Variants in EPHA5 observed in about 807,000 individuals in gnomAD.
The protein encoded by EPHA5 is ephrin type-A receptor 5.
In EPHA5, 60 loss-of-function variants were observed where a neutral mutation model predicts 105.0. The observed-to-expected ratio is 0.57, with a 90% CI of 0.46 to 0.71. The LOEUF (loss-of-function observed/expected upper bound fraction) is 0.71. Among genes scored for constraint, EPHA5 ranks in the 30% least tolerant of loss-of-function variants. EPHA5 has a pLI of 0.00. For missense variants in EPHA5, 1,218 were observed against 1,274.7 expected (o/e 0.96, Z 0.68); for synonymous variants, 513 against 449.1 (o/e 1.14, Z -1.80).
intron 16 of EPHA5, among the ~76,000 whole-genome samples, chr4:65,326,782 T>A (rs763360992): frequency 3.3e-5 from 5 of 151,318 alleles, no homozygotes; most frequent in Non-Finnish European, 7.4e-5. Context: ...ATGGTTGTAA[T>A]AATATATATG....
intron 3 of EPHA5, among the ~76,000 whole-genome samples, chr4:65,543,685 C>G (rs1340673062): frequency 1.3e-5 from 2 of 151,698 alleles, no homozygotes; most frequent in East Asian, 1.9e-4. Flanking sequence ...TCTCATTCCA[C>G]TACTGTTATT....
At chr4:65,561,197 A>T (rs1321675894) in intron 3 of EPHA5, among the ~76,000 whole-genome samples, 3 of 152,066 alleles carry the variant, frequency 2.0e-5, no homozygotes, top group Non-Finnish European at 4.4e-5. Context: ...TTAAAAAAAA[A>T]ACTATTCAGT....
intron 5 of EPHA5, among the ~76,000 whole-genome samples, chr4:65,440,016 A>T (rs2149083425): frequency 6.6e-6 from 1 of 152,228 alleles, no homozygotes; most frequent in Non-Finnish European, 1.5e-5. Context: ...TCAGAAAATA[A>T]ATAGAAATAC....
At chr4:65,383,956 AT>A (rs142503180) in intron 8 of EPHA5, among the ~76,000 whole-genome samples, 2,848 of 152,012 alleles carry the variant, frequency 0.019, 95 homozygotes, top group African/African-American at 0.065. Flanking sequence ...GAAAAATATA[AT>A]TTTTTTAAAA....
chr4:65,540,899 T>A (rs1356851712), intron 3 of EPHA5, among the ~76,000 whole-genome samples: 1 of 150,626 alleles, frequency 6.6e-6, no homozygotes, highest in East Asian at 1.9e-4. Flanking sequence ...TTCTGAAGTG[T>A]TTGGCAGATC....
chr4:65,348,692 AT>A lies in EPHA5; in HGVS notation c.2446-490del, dbSNP rs1364991364. On this transcript the variant is annotated intron_variant, in intron 13 of 16. Coordinates refer to ENST00000613740, the MANE Select transcript of EPHA5 (RefSeq NM_001281766.3). ...TATATATATATATATATATATATAT[AT>A]ATATAAAATATATATGTGTGTGTAT... is the stretch of plus-strand genomic sequence containing the variant. 9.7e-4 allele frequency among the ~76,000 whole-genome samples: 47 copies of A among 48,372 alleles called. 1 individual carries two copies. The highest frequency in any genetic ancestry group is 3.6e-3 in the African/African-American group (41 of 11,440). 31.7% of individuals were successfully genotyped at this position (48,372 alleles called of 152,430 possible).
At chr4:65,592,767 A>T (rs1427542805) in intron 3 of EPHA5, among the ~76,000 whole-genome samples, 2 of 152,164 alleles carry the variant, frequency 1.3e-5, no homozygotes, top group Non-Finnish European at 2.9e-5. Flanking sequence ...GAAACATTTT[A>T]AAAAATACTG....
intron 4 of EPHA5, among the ~76,000 whole-genome samples, chr4:65,490,976 T>C (rs1426277544): frequency 6.6e-6 from 1 of 152,070 alleles, no homozygotes; most frequent in Non-Finnish European, 1.5e-5. Flanking sequence ...AATTATGGAG[T>C]AAAACTATGT....
intron 8 of EPHA5, among the ~76,000 whole-genome samples, chr4:65,376,518 A>G (rs1364430858): frequency 6.6e-6 from 1 of 152,054 alleles, no homozygotes; most frequent in Admixed American, 6.6e-5. Flanking sequence ...TAGGTAAACC[A>G]TTTGAAATTA....
intron 2 of EPHA5, among the ~76,000 whole-genome samples, chr4:65,638,619 A>C (rs1747366281): frequency 6.6e-6 from 1 of 152,142 alleles, no homozygotes; most frequent in African/African-American, 2.4e-5. Flanking sequence ...CATGCCTGTA[A>C]TCCCAGCTAC....
chr4:65,459,449 G>GTA lies in EPHA5; in HGVS notation c.1402+30926_1402+30927dup, dbSNP rs779882194. 2.1e-4 allele frequency among the ~76,000 whole-genome samples: 32 copies of GTA among 151,776 alleles called. No homozygotes were observed. In the East Asian group the frequency reaches 4.3e-3, roughly 20 times the overall value. On this transcript the variant is annotated intron_variant, in intron 5 of 16. Coordinates refer to ENST00000613740, the MANE Select transcript of EPHA5 (RefSeq NM_001281766.3). Reference sequence around the variant, plus strand: ...TTTTTGAGGATTTTAATATATCTTAGTATATATATAAATACTTTCATTTAC... The same window carrying GTA: ...TTTTTGAGGATTTTAATATATCTTAGTATATATATATAAATACTTTCATTTAC...
At chr4:65,565,380 T>G (rs564552853) in intron 3 of EPHA5, among the ~76,000 whole-genome samples, 148 of 151,874 alleles carry the variant, frequency 9.7e-4, no homozygotes, top group African/African-American at 3.5e-3. Flanking sequence ...TATTTCATTT[T>G]GAAACTTCTA....
At chr4:65,647,322 C>A (rs35431840) in intron 1 of EPHA5, among the ~76,000 whole-genome samples, 1 of 98,798 alleles carries the variant, frequency 1.0e-5, no homozygotes, top group Admixed American at 1.3e-4. Context: ...GAGCAAGACT[C>A]TGTCTCAAAA....
At chr4:65,611,210 G>A (rs777243813) in intron 2 of EPHA5, among the ~76,000 whole-genome samples, 1 of 152,062 alleles carries the variant, frequency 6.6e-6, no homozygotes, top group African/African-American at 2.4e-5. Flanking sequence ...TGAGACATTA[G>A]AGATGGTCCT....
intron 7 of EPHA5, among the ~76,000 whole-genome samples, chr4:65,405,435 T>C (rs1236318730): frequency 2.0e-5 from 3 of 152,158 alleles, no homozygotes; most frequent in Non-Finnish European, 4.4e-5. Flanking sequence ...TAGAAATTAA[T>C]AACAATCTGT....
At chr4:65,343,640 T>C (rs1259973306) in intron 14 of EPHA5, among the ~76,000 whole-genome samples, 1 of 152,224 alleles carries the variant, frequency 6.6e-6, no homozygotes, top group Non-Finnish European at 1.5e-5. Context: ...GTCATGTTTC[T>C]TGGATACAAA....
chr4:65,528,215 A>C (rs1437238731), intron 3 of EPHA5, among the ~76,000 whole-genome samples: 1 of 152,164 alleles, frequency 6.6e-6, no homozygotes, highest in African/African-American at 2.4e-5. Flanking sequence ...TCAGCTAAGC[A>C]TCACACGTCG....
intron 5 of EPHA5, among the ~76,000 whole-genome samples, chr4:65,474,825 T>C (rs1304459467): frequency 1.3e-5 from 2 of 152,146 alleles, no homozygotes; most frequent in East Asian, 3.8e-4. Flanking sequence ...ACTCATTTCA[T>C]TTTATGTTAA....
intron 11 of EPHA5, among the ~76,000 whole-genome samples, chr4:65,363,341 A>C (rs1430579974): frequency 6.6e-6 from 1 of 151,568 alleles, no homozygotes; most frequent in African/African-American, 2.4e-5. Flanking sequence ...TGTGGAAACT[A>C]AGGTTCTAAA....
Sources: allele counts gnomAD v4.1 joint callset (sites outside exome capture counted in the v4.1 genomes callset), GRCh38; gene constraint gnomAD v4.1.1; transcripts MANE v1.5; gene names NCBI Gene and HGNC (gene_info 2026-07-23, HGNC 2026-07-21).